The following MYO1B variants were observed in gnomAD, a reference collection of about 807,000 sequenced individuals.
MYO1B encodes the protein myosin IB.
Under a neutral mutation model 159.7 loss-of-function variants are expected in MYO1B, and 72 were observed. That is an observed-to-expected ratio of 0.45 (90% CI 0.37 to 0.55). MYO1B has a LOEUF of 0.55. Ranked by LOEUF, MYO1B falls within the 20% of genes least tolerant of loss-of-function variation. The probability of loss-of-function intolerance (pLI) is 0.00; values close to 1 mark genes in which losing one functional copy is unlikely to be tolerated. For missense variants in MYO1B, 1,062 were observed against 1,364.8 expected, an observed-to-expected ratio of 0.78 and a Z score of 3.50; for synonymous variants, 468 against 473.8, an observed-to-expected ratio of 0.99 and a Z score of 0.16.
At position 191,258,947 on chromosome 2, in the gene MYO1B, G is replaced by A. The variant is rs552667319; in HGVS notation, c.-10+13321G>A. 2.0e-5 allele frequency among the ~76,000 whole-genome samples: 3 copies of A among 152,332 alleles called. No homozygotes were observed. In the South Asian group the frequency reaches 6.2e-4, roughly 32 times the overall value. On this transcript the variant is annotated intron_variant, in intron 1 of 30. Coordinates refer to ENST00000392318, the MANE Select transcript of MYO1B (RefSeq NM_001130158.3). ...TTTTGTGTCTCATGGACCCTGGGCTGTAGTACCTGACTATCTTCTGCAACT... is the reference window on the plus strand; with the variant it reads ...TTTTGTGTCTCATGGACCCTGGGCTATAGTACCTGACTATCTTCTGCAACT...
chr2:191,399,206 G>A (rs1696435660), intron 21 of MYO1B, among the ~76,000 whole-genome samples: 1 of 152,182 alleles, frequency 6.6e-6, no homozygotes, highest in Admixed American at 6.5e-5. Context: ...AGTGAGCTGA[G>A]ATGGCAGCAG....
At chr2:191,300,708 A>G (rs922965063) in intron 3 of MYO1B, among the ~76,000 whole-genome samples, 1 of 132,644 alleles carries the variant, frequency 7.5e-6, no homozygotes, top group Admixed American at 8.9e-5. Flanking sequence ...TCTGGGCTCA[A>G]GAGATCTTCC....
intron 30 of MYO1B, among the ~76,000 whole-genome samples, chr2:191,421,851 AT>A (rs148639945): frequency 1.3e-5 from 2 of 152,094 alleles, no homozygotes; most frequent in African/African-American, 4.8e-5. Context: ...AACCTGAAAG[AT>A]TTTTTTTGAG....
intron 5 of MYO1B, among the ~76,000 whole-genome samples, chr2:191,342,906 CA>C (rs111813322): frequency 0.02 from 2,886 of 145,566 alleles, 42 homozygotes; most frequent in Non-Finnish European, 0.032. Flanking sequence ...GACTCTGTCT[CA>C]AAAAAAAAAA....
rs1371897506 is a variant in MYO1B at position 191,369,558 on chromosome 2, A to T, written c.1049A>T (p.Asp350Val). ...TTTTAATAGGCTTATTATGCCCGTG[A>T]TGCTCTGGCTAAAAACCTCTACAGC... ...LNVAQAYYARDALAKNLYSRL... is the reference protein window; with the variant it reads ...LNVAQAYYARVALAKNLYSRL... Residue 350 changes from aspartate (D) to valine (V), a missense_variant, in exon 12 of 31, where the codon GAT becomes GTT. Around this residue, in one of 5 missense-constraint regions of MYO1B, gnomAD observed 415 missense variants for 544.0 expected, o/e 0.76. Transcript: ENST00000392318. The T allele has an allele frequency of 6.2e-7, 1 of 1,613,418 alleles. No homozygotes were observed. Among genetic ancestry groups the T allele is most frequent in the Non-Finnish European group, 8.5e-7 (1 of 1,179,526 alleles).
intron 13 of MYO1B, among the ~76,000 whole-genome samples, chr2:191,377,302 A>G (rs1363296335): frequency 3.3e-5 from 5 of 152,168 alleles, no homozygotes; most frequent in African/African-American, 4.8e-5. Context: ...AGATGTTTCT[A>G]AGTTTTAGTT....
intron 4 of MYO1B, among the ~76,000 whole-genome samples, chr2:191,330,843 T>C (rs1691423430): frequency 6.6e-6 from 1 of 152,236 alleles, no homozygotes; most frequent in South Asian, 2.1e-4. Flanking sequence ...TCAATTATTT[T>C]AGTATTCAAA....
chr2:191,319,737 C>T (rs1336452534), intron 3 of MYO1B, among the ~76,000 whole-genome samples: 1 of 152,076 alleles, frequency 6.6e-6, no homozygotes, highest in Non-Finnish European at 1.5e-5. Flanking sequence ...ATGCATTATA[C>T]TTATAATCAG....
chr2:191,279,884 T>TGGGGCCA (rs1687954953), intron 2 of MYO1B, among the ~76,000 whole-genome samples: 2 of 152,184 alleles, frequency 1.3e-5, no homozygotes, highest in Non-Finnish European at 2.9e-5. Context: ...TTTAGAGCTA[T>TGGGGCCA]GTCTGATAAG....
chr2:191,389,252 C>T (rs1015413222), intron 17 of MYO1B, among the ~76,000 whole-genome samples: 6 of 152,268 alleles, frequency 3.9e-5, no homozygotes, highest in South Asian at 2.1e-4. Context: ...TAGTTGTCCA[C>T]GTAAGTGTGT....
intron 27 of MYO1B, among the ~76,000 whole-genome samples, chr2:191,413,146 G>A (rs1474666554): frequency 1.3e-5 from 2 of 152,136 alleles, no homozygotes; most frequent in Admixed American, 1.3e-4. Context: ...CAAGCGTAAT[G>A]TATAAAATAA....
intron 11 of MYO1B, among the ~76,000 whole-genome samples, chr2:191,369,256 C>T (rs535427706): frequency 1.3e-5 from 2 of 152,130 alleles, no homozygotes; most frequent in South Asian, 2.1e-4. Flanking sequence ...GTCTAAATTG[C>T]GTCTGATTTT....
At chr2:191,271,160 G>A (rs1687432191) in intron 1 of MYO1B, among the ~76,000 whole-genome samples, 1 of 152,182 alleles carries the variant, frequency 6.6e-6, no homozygotes, top group Admixed American at 6.5e-5. Flanking sequence ...CACTATACAG[G>A]GAGGTTAATG....
chr2:191,261,546 C>G (rs1574284060), intron 1 of MYO1B, among the ~76,000 whole-genome samples: 1 of 152,160 alleles, frequency 6.6e-6, no homozygotes, highest in Non-Finnish European at 1.5e-5. Context: ...TTGTCCTTAA[C>G]CTTACTCCAG....
At chr2:191,366,139 G>GA (rs1693996346) in intron 11 of MYO1B, among the ~76,000 whole-genome samples, 1 of 152,186 alleles carries the variant, frequency 6.6e-6, no homozygotes, top group African/African-American at 2.4e-5. Context: ...AGGAAGCCAT[G>GA]AAAAAGCCTG....
At chr2:191,305,891 C>T (rs1689623622) in intron 3 of MYO1B, among the ~76,000 whole-genome samples, 1 of 152,006 alleles carries the variant, frequency 6.6e-6, no homozygotes, top group Non-Finnish European at 1.5e-5. Context: ...AAGAATAGGA[C>T]TCTAGGCTCA....
At chr2:191,388,207 G>C (rs1315986336) in intron 17 of MYO1B, 1 of 151,572 alleles carries the variant, frequency 6.6e-6, no homozygotes, top group Admixed American at 6.6e-5. Flanking sequence ...TCGCTTGGAG[G>C]CAGAGGTTGC....
chr2:191,309,921 T>C (rs1574397986), intron 3 of MYO1B, among the ~76,000 whole-genome samples: 1 of 152,240 alleles, frequency 6.6e-6, no homozygotes, highest in Non-Finnish European at 1.5e-5. Flanking sequence ...CCTGTATCCA[T>C]AGTAATTAGA....
intron 1 of MYO1B, among the ~76,000 whole-genome samples, chr2:191,255,756 G>T (rs1039984141): frequency 4.6e-5 from 7 of 152,190 alleles, no homozygotes; most frequent in African/African-American, 1.7e-4. Context: ...GGTGAGGCTT[G>T]AATGGGGCCA....
Sources: allele counts gnomAD v4.1 joint callset (sites outside exome capture counted in the v4.1 genomes callset), GRCh38; gene constraint gnomAD v4.1.1; regional missense constraint gnomAD v4.1.1; transcripts MANE v1.5; gene names NCBI Gene and HGNC (gene_info 2026-07-23, HGNC 2026-07-21).